Variants in PDE3A observed in about 807,000 individuals in gnomAD.
PDE3A encodes cGMP-inhibited 3',5'-cyclic phosphodiesterase 3A.
In PDE3A, 43 loss-of-function variants were observed where a neutral mutation model predicts 98.3. That is an observed-to-expected ratio of 0.44 (90% CI 0.34 to 0.56). PDE3A has a LOEUF of 0.56. PDE3A is among the 20% of genes least tolerant of loss of function. The probability of loss-of-function intolerance (pLI) is 0.01; values close to 1 mark genes in which losing one functional copy is unlikely to be tolerated. For synonymous variants in PDE3A, 663 were observed against 567.9 expected, an observed-to-expected ratio of 1.17 and a Z score of -2.38; for missense variants, 1,427 against 1,440.7, an observed-to-expected ratio of 0.99 and a Z score of 0.15.
chr12:20,610,584 T>C (rs772380485), intron 2 of PDE3A, among the ~76,000 whole-genome samples: 10 of 152,108 alleles, frequency 6.6e-5, no homozygotes, highest in Middle Eastern at 3.4e-3. Context: ...CATTGCATTA[T>C]TCACAATAGC....
chr12:20,672,845 A>C (rs1223163429), intron 15 of PDE3A, among the ~76,000 whole-genome samples: 1 of 136,308 alleles, frequency 7.3e-6, no homozygotes, highest in Non-Finnish European at 1.6e-5. Flanking sequence ...CAAAATTGAC[A>C]AATGGGATCT....
intron 1 of PDE3A, among the ~76,000 whole-genome samples, chr12:20,469,458 C>G (rs1459126817): frequency 6.6e-6 from 1 of 152,196 alleles, no homozygotes; most frequent in East Asian, 1.9e-4. Flanking sequence ...AGGGTCTTCT[C>G]TTTCTAGCCT....
chr12:20,558,818 C>A (rs887081259), intron 2 of PDE3A, among the ~76,000 whole-genome samples: 2 of 152,028 alleles, frequency 1.3e-5, no homozygotes, highest in African/African-American at 4.8e-5. Flanking sequence ...TCAAGGGGAA[C>A]TTCAGACAAG....
chr12:20,386,204 AAT>A (rs1323819818), intron 1 of PDE3A, among the ~76,000 whole-genome samples: 6 of 66,114 alleles, frequency 9.1e-5, no homozygotes, highest in East Asian at 7.5e-4. Context: ...AATATATAAA[AAT>A]ATATATAAAT....
rs540961428 is a variant in PDE3A at position 20,613,579 on chromosome 12, C to A, written c.1148C>A (p.Thr383Lys). The A allele has an allele frequency of 2.5e-6, 4 of 1,614,158 alleles. No individual in the cohort carries two copies. The African/African-American group carries it at 5.3e-5, about 22-fold the overall frequency. The change falls in exon 3 of 16, where the codon ACA (threonine) becomes AAA (lysine). Residue 383 changes from threonine to lysine, a missense_variant. Thr to Lys is a moderately conservative substitution (Grantham distance 78, BLOSUM62 -1). Transcript: ENST00000359062. Reference sequence around the variant, plus strand: ...AGAGCCGTGAGCAACTTGCTCAGCACACAGCTCACCTTCCAGGCCATTCAC... The same window carrying A: ...AGAGCCGTGAGCAACTTGCTCAGCAAACAGCTCACCTTCCAGGCCATTCAC... Reference protein sequence around the residue: ...SLRAVSNLLSTQLTFQAIHKP... With the variant: ...SLRAVSNLLSKQLTFQAIHKP...
At chr12:20,666,777 T>C (rs1945325106) in intron 15 of PDE3A, among the ~76,000 whole-genome samples, 1 of 152,220 alleles carries the variant, frequency 6.6e-6, no homozygotes, top group Non-Finnish European at 1.5e-5. Flanking sequence ...TAATTTCTTT[T>C]CCTTTGATAA....
intron 15 of PDE3A, among the ~76,000 whole-genome samples, chr12:20,658,565 A>G (rs765168357): frequency 1.3e-5 from 2 of 152,182 alleles, no homozygotes; most frequent in Admixed American, 6.5e-5. Context: ...GAATTGTTCA[A>G]TGCTGCTGTG....
chr12:20,539,011 C>T (rs1423494454), intron 1 of PDE3A, among the ~76,000 whole-genome samples: 6 of 152,048 alleles, frequency 3.9e-5, no homozygotes, highest in African/African-American at 1.4e-4. Context: ...TATTGAATCC[C>T]TTAACACGTG....
intron 2 of PDE3A, among the ~76,000 whole-genome samples, chr12:20,580,163 T>C (rs887559924): frequency 2.6e-5 from 4 of 152,192 alleles, no homozygotes; most frequent in African/African-American, 4.8e-5. Context: ...AGATTAATCA[T>C]GTAACAAGCC....
chr12:20,620,959 C>T lies in PDE3A; in HGVS notation c.1425-337C>T, dbSNP rs554189802. Reference sequence around the variant, plus strand: ...TTCACCCGCATCTTAACCAGTTAATCTGTAAGCCTCTTTTAGAAAATCTGT... The same window carrying T: ...TTCACCCGCATCTTAACCAGTTAATTTGTAAGCCTCTTTTAGAAAATCTGT... On this transcript the variant is annotated intron_variant, in intron 4 of 15. Coordinates refer to ENST00000359062, the MANE Select transcript of PDE3A (RefSeq NM_000921.5). 8.5e-5 allele frequency among the ~76,000 whole-genome samples: 13 copies of T among 152,210 alleles called. No homozygotes were observed. The East Asian group carries it at 2.3e-3, about 27-fold the overall frequency.
chr12:20,423,894 T>C (rs2120768679), intron 1 of PDE3A, among the ~76,000 whole-genome samples: 1 of 152,132 alleles, frequency 6.6e-6, no homozygotes, highest in African/African-American at 2.4e-5. Context: ...TAAAAAAAAA[T>C]TATTTAGGTC....
intron 9 of PDE3A, 70 bp from the exon 10 acceptor site, chr12:20,639,776 T>C: frequency 1.4e-6 from 1 of 717,398 alleles, no homozygotes; most frequent in Non-Finnish European, 2.5e-6. Context: ...TTTACCTAGT[T>C]TCACCACTGT....
intron 1 of PDE3A, among the ~76,000 whole-genome samples, chr12:20,540,571 A>G (rs374529987): frequency 9.9e-5 from 15 of 152,220 alleles, no homozygotes; most frequent in East Asian, 7.8e-4. Context: ...TGAGGCTAAC[A>G]GGAAAATCAC....
At chr12:20,526,250 T>C (rs1270241117) in intron 1 of PDE3A, among the ~76,000 whole-genome samples, 1 of 152,226 alleles carries the variant, frequency 6.6e-6, no homozygotes, top group African/African-American at 2.4e-5. Context: ...TCTATTGATA[T>C]TATTTTCAAG....
At chr12:20,541,733 A>C (rs777932045) in intron 1 of PDE3A, among the ~76,000 whole-genome samples, 1 of 152,022 alleles carries the variant, frequency 6.6e-6, no homozygotes, top group Non-Finnish European at 1.5e-5. Context: ...TTTTTTCTGC[A>C]AAAAAAGCAT....
chr12:20,533,264 C>T (rs1941658158), intron 1 of PDE3A, among the ~76,000 whole-genome samples: 1 of 151,972 alleles, frequency 6.6e-6, no homozygotes, highest in Non-Finnish European at 1.5e-5. Flanking sequence ...TTCCTTTTTT[C>T]ATGGCTTCCC....
intron 15 of PDE3A, among the ~76,000 whole-genome samples, chr12:20,667,459 G>A (rs948508190): frequency 6.6e-6 from 1 of 152,078 alleles, no homozygotes; most frequent in African/African-American, 2.4e-5. Flanking sequence ...TATATAGTGA[G>A]AAATGGAGTC....
chr12:20,585,839 T>C (rs1943182005), intron 2 of PDE3A, among the ~76,000 whole-genome samples: 1 of 152,248 alleles, frequency 6.6e-6, no homozygotes, highest in South Asian at 2.1e-4. Flanking sequence ...GTGTCTTCAC[T>C]GTGCTTGCCT....
intron 1 of PDE3A, among the ~76,000 whole-genome samples, chr12:20,402,213 G>C (rs1462839510): frequency 6.6e-6 from 1 of 151,954 alleles, no homozygotes; most frequent in Admixed American, 6.5e-5. Context: ...GCAGTGGCAC[G>C]ACCTTGGCTC....
Sources: allele counts gnomAD v4.1 joint callset (sites outside exome capture counted in the v4.1 genomes callset), GRCh38; gene constraint gnomAD v4.1.1; transcripts MANE v1.5; gene names NCBI Gene and HGNC (gene_info 2026-07-23, HGNC 2026-07-21).